Variants in ERCC6L2 observed in about 807,000 individuals in gnomAD.
ERCC6L2 encodes DNA excision repair protein ERCC-6-like 2.
Under a neutral mutation model 132.0 loss-of-function variants are expected in ERCC6L2, and 77 were observed. The ratio of observed to expected loss-of-function variants is 0.58; its 90% confidence interval spans 0.49 to 0.71. The LOEUF (loss-of-function observed/expected upper bound fraction) is 0.71, where lower values mean the gene tolerates loss of function less well. Among genes scored for constraint, ERCC6L2 ranks in the 30% least tolerant of loss-of-function variants. ERCC6L2 has a pLI of 0.00. For synonymous variants in ERCC6L2, 583 were observed against 632.4 expected (o/e 0.92, Z 1.17); for missense variants, 1,542 against 1,837.6 (o/e 0.84, Z 2.94).
intron 3 of ERCC6L2, among the ~76,000 whole-genome samples, chr9:95,899,600 A>ATATGTGTGTGTGTG (rs746946004): frequency 2.7e-4 from 36 of 134,888 alleles, no homozygotes; most frequent in Non-Finnish European, 3.8e-4. Context: ...TTATATATAT[A>ATATGTGTGTGTGTG]TGTGTGTGTG....
chr9:96,034,993 G>A lies in ERCC6L2; in HGVS notation c.*1504-3883G>A, dbSNP rs142421085. Among the ~76,000 whole-genome samples, 26 of 152,268 alleles carry A rather than the reference G, an allele frequency of 1.7e-4. No individual in the cohort carries two copies. In the East Asian group the frequency reaches 5.0e-3, roughly 29 times the overall value. Reference sequence around the variant, plus strand: ...GGTACAGTTGCTATTGCCCTCCCAGGCACAGGACCTTGGCGTCTCTGTAGC... The same window carrying A: ...GGTACAGTTGCTATTGCCCTCCCAGACACAGGACCTTGGCGTCTCTGTAGC... On this transcript the variant is annotated intron_variant and NMD_transcript_variant, in intron 19 of 20. Coordinates refer to the ERCC6L2 transcript ENST00000670016.
chr9:95,987,752 C>G (rs1329007686), intron 17 of ERCC6L2, among the ~76,000 whole-genome samples: 1 of 152,174 alleles, frequency 6.6e-6, no homozygotes, highest in Admixed American at 6.5e-5. Flanking sequence ...AGGCAGTGCC[C>G]TATTGGGAAC....
At chr9:95,934,376 A>G (rs901365960) in intron 11 of ERCC6L2, among the ~76,000 whole-genome samples, 4 of 151,974 alleles carry the variant, frequency 2.6e-5, no homozygotes, top group African/African-American at 9.7e-5. Flanking sequence ...AGTTTTGCCA[A>G]AAGTTTCCTT....
intron 14 of ERCC6L2, among the ~76,000 whole-genome samples, chr9:95,969,518 G>A (rs891239023): frequency 6.6e-6 from 1 of 152,150 alleles, no homozygotes; most frequent in Admixed American, 6.6e-5. Context: ...AAGAGTTAAG[G>A]ATGGCTCCAA....
chr9:95,921,341 A>T, intron 7 of ERCC6L2, 26 bp downstream of exon 7: 1 of 1,592,426 alleles, frequency 6.3e-7, no homozygotes, highest in Non-Finnish European at 8.6e-7. Flanking sequence ...TATCTTTATA[A>T]TCATGCTTTT....
At chr9:95,925,520 G>A (rs1266511360) in intron 9 of ERCC6L2, among the ~76,000 whole-genome samples, 1 of 152,070 alleles carries the variant, frequency 6.6e-6, no homozygotes, top group African/African-American at 2.4e-5. Flanking sequence ...ATAAAACATT[G>A]GGTCTATATT....
chr9:95,934,319 T>C (rs1367632800), intron 11 of ERCC6L2, among the ~76,000 whole-genome samples: 1 of 152,112 alleles, frequency 6.6e-6, no homozygotes, highest in Admixed American at 6.6e-5. Flanking sequence ...TTAAATTATA[T>C]AGGCAGCTGG....
In ERCC6L2 at chr9:96,015,276, C is replaced by T. The variant is rs1423699729; in HGVS notation, c.*2073C>T. ...ATCTTGGCTCACTGCAGCCTCCGCC[C>T]CCCGAGTCAAGCAATTCTCCTGCCT... On this transcript the variant is annotated 3_prime_UTR_variant, in exon 19 of 19. Coordinates refer to ENST00000653738, the MANE Select transcript of ERCC6L2 (RefSeq NM_020207.7). Among the ~76,000 whole-genome samples the T allele has an allele frequency of 6.6e-6, 1 of 150,488 alleles. No homozygotes were observed. The highest frequency in any genetic ancestry group is 1.5e-5 in the Non-Finnish European group (1 of 67,748).
At chr9:95,981,170 A>G (rs1335689608) in intron 17 of ERCC6L2, among the ~76,000 whole-genome samples, 1 of 152,200 alleles carries the variant, frequency 6.6e-6, no homozygotes, top group East Asian at 1.9e-4. Flanking sequence ...CTAGATTGCA[A>G]AGGAATATAC....
intron 4 of ERCC6L2, among the ~76,000 whole-genome samples, chr9:95,914,039 T>G (rs1312272072): frequency 6.6e-6 from 1 of 152,224 alleles, no homozygotes; most frequent in Non-Finnish European, 1.5e-5. Flanking sequence ...GGTCTTATGC[T>G]AAGTATATGT....
At chr9:95,931,065 A>C (rs973409731) in intron 11 of ERCC6L2, among the ~76,000 whole-genome samples, 20 of 152,208 alleles carry the variant, frequency 1.3e-4, no homozygotes, top group Non-Finnish European at 2.8e-4. Context: ...AAGTAGTGCT[A>C]AGATAATTTT....
intron 12 of ERCC6L2, among the ~76,000 whole-genome samples, chr9:95,944,420 A>G (rs1435359945): frequency 2.0e-5 from 3 of 152,250 alleles, no homozygotes; most frequent in African/African-American, 7.2e-5. Flanking sequence ...GTTTAGGATA[A>G]TAAAAAAGTT....
intron 19 of ERCC6L2, among the ~76,000 whole-genome samples, chr9:96,028,300 G>A (rs1834409764): frequency 6.6e-6 from 1 of 152,160 alleles, no homozygotes; most frequent in Non-Finnish European, 1.5e-5. Flanking sequence ...CTTGGAGCAC[G>A]AGTGCCCTTC....
Position 95,915,754 on chromosome 9 carries a change from A to G in ERCC6L2, c.875A>G (p.Lys292Arg), listed in dbSNP as rs1381828843. ...ARVTEVMKAL[K>R]CNVRIGLTGT... ...GTAACAGAAGTTATGAAAGCTTTGA[A>G]ATGTAATGTCCGCATTGGCCTCACT... Residue 292 changes from lysine (K) to arginine (R), a missense_variant, in exon 5 of 19, where the codon AAA (lysine) becomes AGA (arginine). Lys to Arg is a conservative substitution (Grantham distance 26). Transcript: ENST00000653738. The G allele has an allele frequency of 6.2e-7, 1 of 1,614,030 alleles. No homozygotes were observed. Among genetic ancestry groups the G allele is most frequent in the East Asian group, 2.2e-5 (1 of 44,856 alleles).
intron 18 of ERCC6L2, among the ~76,000 whole-genome samples, chr9:96,005,765 C>T (rs527948804): frequency 2.0e-5 from 3 of 152,094 alleles, no homozygotes; most frequent in Admixed American, 6.5e-5. Context: ...AAGAATGGCA[C>T]GATCTGATGT....
chr9:96,027,449 C>A (rs1834394017), intron 19 of ERCC6L2, among the ~76,000 whole-genome samples: 1 of 152,186 alleles, frequency 6.6e-6, no homozygotes, highest in South Asian at 2.1e-4. Flanking sequence ...GCCGGGGCAG[C>A]CCGGCGCGGG....
At chr9:95,898,081 T>G in intron 3 of ERCC6L2, 110 bp downstream of exon 3, 6 of 989,062 alleles carry the variant, frequency 6.1e-6, no homozygotes, top group Non-Finnish European at 8.4e-6. Context: ...TTTTAAAACC[T>G]AAGAATTTAA....
intron 12 of ERCC6L2, among the ~76,000 whole-genome samples, chr9:95,953,777 G>T (rs948504890): frequency 6.6e-6 from 1 of 151,972 alleles, no homozygotes; most frequent in Non-Finnish European, 1.5e-5. Context: ...AATATAAATT[G>T]TAACTAATTC....
Position 95,898,609 on chromosome 9 carries a change from A to G in ERCC6L2, c.594+638A>G, listed in dbSNP as rs547518652. 6.6e-5 allele frequency among the ~76,000 whole-genome samples: 10 copies of G among 152,300 alleles called. No homozygotes were observed. The South Asian group carries it at 1.9e-3, about 28-fold the overall frequency. On this transcript the variant is annotated intron_variant, in intron 3 of 18. Transcript: ENST00000653738. The stretch of plus-strand genomic sequence containing the variant: ...AAAAGATTTCTAATAAAGCAATGAA[A>G]TATAAAAAAGTATATTATACTTACA...
Sources: gnomAD v4.1 joint callset for allele counts (sites outside exome capture counted in the v4.1 genomes callset) on GRCh38, gnomAD v4.1.1 for gene constraint, MANE v1.5 for transcripts, NCBI Gene and HGNC (gene_info 2026-07-23, HGNC 2026-07-21) for gene names.